Variants in TAB3 observed in about 807,000 individuals in gnomAD.
TAB3 encodes TGF-beta-activated kinase 1 and MAP3K7-binding protein 3.
Under a neutral mutation model 48.1 loss-of-function variants are expected in TAB3, and 18 were observed. That is an observed-to-expected ratio of 0.37 (90% confidence interval 0.26 to 0.55). TAB3 has a LOEUF of 0.55. Among genes scored for constraint, TAB3 ranks in the 20% least tolerant of loss-of-function variants. The pLI, the probability that TAB3 is intolerant of heterozygous loss-of-function variation, is 0.78. For missense variants in TAB3, 414 were observed against 549.8 expected (o/e 0.75, Z 2.47); for synonymous variants, 185 against 190.2 (o/e 0.97, Z 0.22).
intron 7 of TAB3, among the ~76,000 whole-genome samples, chrX:30,847,005 G>A (rs1158632630): frequency 1.8e-5 from 2 of 111,379 alleles, no homozygotes; most frequent in African/African-American, 6.5e-5. Flanking sequence ...AACGAGTCAT[G>A]TCCATGATCT....
chrX:30,874,528 A>T (rs1939766755), intron 1 of TAB3, among the ~76,000 whole-genome samples: 1 of 112,282 alleles, frequency 8.9e-6, no homozygotes, highest in Admixed American at 9.4e-5. Context: ...AAACGTTCAA[A>T]TGTCAAGTAC....
chrX:30,867,252 T>C (rs1245954198), intron 3 of TAB3, 34 bp from the exon 4 acceptor site: 1 of 111,613 alleles, frequency 9.0e-6, no homozygotes, highest in Non-Finnish European at 1.9e-5. Flanking sequence ...TCAGTAAAAG[T>C]TAAGGAAATC....
At chrX:30,838,166 C>T (rs763506132) in intron 9 of TAB3, among the ~76,000 whole-genome samples, 34 of 111,503 alleles carry the variant, frequency 3.0e-4, no homozygotes, top group Admixed American at 8.6e-4. Flanking sequence ...GCTGCAATCA[C>T]GGCTCACTGC....
intron 5 of TAB3, 30 bp from the exon 6 acceptor site, chrX:30,855,592 T>C: frequency 8.7e-7 from 1 of 1,149,608 alleles, no homozygotes; most frequent in Non-Finnish European, 1.2e-6. Context: ...AAAGTAACAT[T>C]GGCAACATTA....
chrX:30,831,660 AC>A, intron 10 of TAB3, 85 bp from the exon 11 acceptor site: 1 of 1,037,114 alleles, frequency 9.6e-7, no homozygotes, highest in Non-Finnish European at 1.3e-6. Flanking sequence ...AAAGAAAAAT[AC>A]CACAAAAATC....
chrX:30,831,289 C>T lies in TAB3; in HGVS notation c.*138G>A, dbSNP rs748214616. ...ATTTTTCCTTTCGTGAGCACAACGA[C>T]GACCACAAAGCCATTCCTCCTCCCC... On this transcript the variant is annotated 3_prime_UTR_variant, in exon 11 of 11. Coordinates refer to ENST00000288422, the MANE Select transcript of TAB3 (RefSeq NM_152787.5). 22 of 731,129 alleles carry T rather than the reference C, an allele frequency of 3.0e-5. No homozygotes were observed. Among genetic ancestry groups the T allele is most frequent in the Admixed American group, 8.5e-5 (2 of 23,595 alleles). 60.3% of individuals were successfully genotyped at this position (731,129 alleles called of 1,213,427 possible).
At chrX:30,841,958 G>A (rs909591328) in intron 9 of TAB3, among the ~76,000 whole-genome samples, 4 of 111,970 alleles carry the variant, frequency 3.6e-5, no homozygotes, top group Admixed American at 9.5e-5. Context: ...ACAGGCGCGC[G>A]CCATCAGGCC....
At chrX:30,835,270 T>G (rs905303870) in intron 9 of TAB3, 2 of 123,524 alleles carry the variant, frequency 1.6e-5, no homozygotes, top group African/African-American at 6.5e-5. Flanking sequence ...AAATCACTGC[T>G]CCAGAATCCA....
intron 7 of TAB3, among the ~76,000 whole-genome samples, chrX:30,848,929 G>T (rs1392002506): frequency 9.1e-6 from 1 of 109,535 alleles, no homozygotes; most frequent in Admixed American, 9.8e-5. Flanking sequence ...CAGGAAGAAT[G>T]GGGGGGAATA....
rs1245392203 is a variant in TAB3 at position 30,828,454 on chromosome X, ATTTC to A, written c.*2969_*2972del. 8.8e-6 allele frequency: 1 copy of A among 113,481 alleles called. No homozygotes were observed. Among genetic ancestry groups the A allele is most frequent in the African/African-American group, 3.2e-5 (1 of 30,867 alleles). 9.4% of individuals were successfully genotyped at this position (113,481 alleles called of 1,213,427 possible). A position where few individuals can be genotyped will look rare whatever the true frequency, so the allele number is the denominator to read the frequency against. ...CTCTAAAACTACATTTTTACAATGC[ATTTC>A]TTTGTTTCTTTAAAGCCCCCTGCCT... On this transcript the variant is annotated 3_prime_UTR_variant, in exon 11 of 11. Transcript: ENST00000288422.
intron 2 of TAB3, among the ~76,000 whole-genome samples, 190 bp downstream of exon 2, chrX:30,871,509 T>C (rs1197799573): frequency 8.9e-6 from 1 of 112,199 alleles, no homozygotes; most frequent in Non-Finnish European, 1.9e-5. Context: ...GTAGTACTAG[T>C]ACTAGTAGTA....
chrX:30,830,912 G>GACCC lies in TAB3; in HGVS notation c.*514_*515insGGGT, dbSNP rs1938005388. On this transcript the variant is annotated 3_prime_UTR_variant, in exon 11 of 11. Coordinates refer to ENST00000288422, the MANE Select transcript of TAB3 (RefSeq NM_152787.5). ...AATTACAAATACCCTTAATTAATTT[G>GACCC]CCCCCCCCCCCCAAATATTCTAGGT... 3 of 43,606 alleles carry GACCC rather than the reference G, an allele frequency of 6.9e-5. No homozygotes were observed. The highest frequency in any genetic ancestry group is 1.2e-4 in the Non-Finnish European group (3 of 24,153). The allele number at this position is 43,606 out of a possible 1,213,427, so 3.6% of individuals were successfully genotyped here. A position where few individuals can be genotyped will look rare whatever the true frequency, so the allele number is the denominator to read the frequency against.
intron 2 of TAB3, among the ~76,000 whole-genome samples, chrX:30,868,156 C>T (rs1210384922): frequency 3.9e-5 from 4 of 103,637 alleles, no homozygotes; most frequent in South Asian, 4.5e-4. Context: ...CTGGGCCTCC[C>T]AAAGTGTTGG....
intron 4 of TAB3, among the ~76,000 whole-genome samples, chrX:30,860,681 AAG>A (rs1939224677): frequency 6.2e-5 from 7 of 112,047 alleles, no homozygotes; most frequent in Admixed American, 4.7e-4. Flanking sequence ...CAGGTTAAAA[AAG>A]AGAGAGCCAT....
chrX:30,859,392 A>ACACACACACAC (rs1397078109), intron 5 of TAB3, 95 bp downstream of exon 5: 235 of 639,319 alleles, frequency 3.7e-4, no homozygotes, highest in African/African-American at 5.9e-4. Context: ...ACACACACAC[A>ACACACACACAC]AGAAAACATA....
chrX:30,882,471 T>G (rs1256410087), intron 1 of TAB3, among the ~76,000 whole-genome samples: 1 of 112,009 alleles, frequency 8.9e-6, no homozygotes, highest in Non-Finnish European at 1.9e-5. Context: ...ATAAAAATGC[T>G]TTAGCCTACA....
intron 9 of TAB3, among the ~76,000 whole-genome samples, chrX:30,839,250 A>T (rs976322288): frequency 1.8e-5 from 2 of 112,033 alleles, no homozygotes; most frequent in African/African-American, 3.2e-5. Context: ...GTATCTGGTG[A>T]AACGATCACA....
intron 8 of TAB3, 187 bp downstream of exon 8, chrX:30,846,364 G>A (rs906300655): frequency 1.3e-4 from 48 of 371,517 alleles, no homozygotes; most frequent in Non-Finnish European, 8.2e-5. Flanking sequence ...TGAAACTGCC[G>A]AAGTAAAACT....
In TAB3 at chrX:30,877,286, A is replaced by G. The variant is rs143861401; in HGVS notation, c.-382-5485T>C. Reference sequence around the variant, plus strand: ...AATTAAAATACAGGCTCAGACAAATAAAAACAGAGTTCATCTCCAGCAAAC... The same window carrying G: ...AATTAAAATACAGGCTCAGACAAATGAAAACAGAGTTCATCTCCAGCAAAC... On this transcript the variant is annotated intron_variant, in intron 1 of 10. Coordinates refer to ENST00000288422, the MANE Select transcript of TAB3 (RefSeq NM_152787.5). Among the ~76,000 whole-genome samples, 826 of 112,270 alleles carry G rather than the reference A, an allele frequency of 7.4e-3. 8 individuals are homozygous for G. The highest frequency in any genetic ancestry group is 0.011 in the Non-Finnish European group (582 of 53,259).
Sources: gnomAD v4.1 joint callset for allele counts (sites outside exome capture counted in the v4.1 genomes callset) on GRCh38, gnomAD v4.1.1 for gene constraint, MANE v1.5 for transcripts, NCBI Gene and HGNC (gene_info 2026-07-23, HGNC 2026-07-21) for gene names.